Variants in TAFA5 observed in about 807,000 individuals in gnomAD.
TAFA5 encodes chemokine-like protein TAFA-5.
TAFA5 carries 6 observed loss-of-function variants against 15.3 expected under a neutral mutation model. The ratio of observed to expected loss-of-function variants is 0.39; its 90% CI spans 0.21 to 0.77. The LOEUF (loss-of-function observed/expected upper bound fraction) is 0.77, where lower values mean the gene tolerates loss of function less well. TAFA5 is among the 30% of genes least tolerant of loss of function. The pLI is 0.41. For missense variants in TAFA5, 161 were observed against 193.1 expected, an observed-to-expected ratio of 0.83 and a Z score of 0.98; for synonymous variants, 103 against 80.7, an observed-to-expected ratio of 1.28 and a Z score of -1.48.
At position 48,563,031 on chromosome 22, in the gene TAFA5, G is replaced by A. The variant is rs563961902; in HGVS notation, c.112+73327G>A. ...CACCAGAGCTGGGCTGGACCGAGCCGCCCGCTTGCTCCTGCACAGCCGCAA... is the reference window on the plus strand; with the variant it reads ...CACCAGAGCTGGGCTGGACCGAGCCACCCGCTTGCTCCTGCACAGCCGCAA... On this transcript the variant is annotated intron_variant, in intron 1 of 3. Transcript: ENST00000402357. Among the ~76,000 whole-genome samples, 12 of 152,308 alleles carry A rather than the reference G, an allele frequency of 7.9e-5. No homozygotes were observed. The East Asian group carries it at 1.9e-3, about 25-fold the overall frequency.
chr22:48,682,580 G>A (rs533899328), intron 2 of TAFA5, among the ~76,000 whole-genome samples: 49 of 152,304 alleles, frequency 3.2e-4, no homozygotes, highest in Non-Finnish European at 5.7e-4. Context: ...AGACCCTGAC[G>A]TCATTTGCAT....
intron 3 of TAFA5, among the ~76,000 whole-genome samples, chr22:48,717,003 A>G (rs981561556): frequency 6.6e-6 from 1 of 152,242 alleles, no homozygotes; most frequent in Non-Finnish European, 1.5e-5. Context: ...AGAAGAAATT[A>G]TCAAAGAAAT....
At chr22:48,714,502 C>T (rs1929345954) in intron 3 of TAFA5, among the ~76,000 whole-genome samples, 1 of 152,194 alleles carries the variant, frequency 6.6e-6, no homozygotes, top group African/African-American at 2.4e-5. Context: ...CAGCTCCCTG[C>T]AGAATCCAAA....
At chr22:48,727,870 A>G (rs1601701922) in intron 3 of TAFA5, among the ~76,000 whole-genome samples, 1 of 152,248 alleles carries the variant, frequency 6.6e-6, no homozygotes, top group Non-Finnish European at 1.5e-5. Context: ...TCAGACTGTA[A>G]TGAAAGTGTC....
At chr22:48,594,915 G>A (rs1924708978) in intron 1 of TAFA5, among the ~76,000 whole-genome samples, 1 of 151,568 alleles carries the variant, frequency 6.6e-6, no homozygotes, top group South Asian at 2.1e-4. Context: ...GTAGCCCTTG[G>A]GACTGCCCCA....
At chr22:48,660,145 C>T (rs922983466) in intron 2 of TAFA5, among the ~76,000 whole-genome samples, 3 of 152,146 alleles carry the variant, frequency 2.0e-5, no homozygotes, top group African/African-American at 7.2e-5. Context: ...CCCAAAAAAA[C>T]CCCAGGCTCC....
In TAFA5 at chr22:48,530,863, A is replaced by T. The variant is rs1206864213; in HGVS notation, c.112+41159A>T. On this transcript the variant is annotated intron_variant, in intron 1 of 3. Coordinates refer to ENST00000402357, the MANE Select transcript of TAFA5 (RefSeq NM_001082967.3). This position sits in a 1 kb window ranked among gnomAD's most constrained non-coding sequence, Gnocchi z 6.0. Reference sequence around the variant, plus strand: ...TGGGCTTCGACAAAGCAGGGGAGAAATGTCCCTCGGGTTCCAAATGAAAGT... The same window carrying T: ...TGGGCTTCGACAAAGCAGGGGAGAATTGTCCCTCGGGTTCCAAATGAAAGT... 6.6e-6 allele frequency among the ~76,000 whole-genome samples: 1 copy of T among 152,070 alleles called. No homozygotes were observed. Among genetic ancestry groups the T allele is most frequent in the Non-Finnish European group, 1.5e-5 (1 of 68,008 alleles).
chr22:48,610,165 G>A lies in TAFA5; in HGVS notation c.113-36432G>A, dbSNP rs28513609. ...GGCTCAGCAGGGTCTGACCAGAGGC[G>A]GGGCAGGGAGGCCTTCCCGTGGCCC... On this transcript the variant is annotated intron_variant, in intron 1 of 3. Transcript: ENST00000402357. Among the ~76,000 whole-genome samples the A allele has an allele frequency of 9.8e-3, 1,495 of 152,244 alleles. 20 individuals are homozygous for A. Among genetic ancestry groups the A allele is most frequent in the Middle Eastern group, 0.024 (7 of 294 alleles).
intron 1 of TAFA5, among the ~76,000 whole-genome samples, chr22:48,541,425 G>A (rs181538927): frequency 6.6e-5 from 10 of 152,258 alleles, no homozygotes; most frequent in South Asian, 4.1e-4. Flanking sequence ...TGGAGGGCCC[G>A]TAGGACCCAG....
intron 2 of TAFA5, among the ~76,000 whole-genome samples, chr22:48,666,397 G>A (rs1431326711): frequency 6.7e-5 from 8 of 120,050 alleles, no homozygotes; most frequent in African/African-American, 9.6e-5. Flanking sequence ...AAAGAGAGCA[G>A]GAAGCAGAGG....
Position 48,742,540 on chromosome 22 carries a change from C to T in TAFA5, c.391-7299C>T, listed in dbSNP as rs57407897. On this transcript the variant is annotated intron_variant, in intron 3 of 3. Transcript: ENST00000402357. The surrounding 1 kb of genome is among the most constrained non-coding windows in gnomAD (Gnocchi z 6.2). ...GGCAGACCAGGCGACGTGGTGGACC[C>T]GGCCGCATGGTGGACCAGGCAACGT... is the stretch of plus-strand genomic sequence containing the variant. Among the ~76,000 whole-genome samples the T allele has an allele frequency of 0.016, 2,372 of 149,724 alleles. 71 individuals carry two copies. Among genetic ancestry groups the T allele is most frequent in the African/African-American group, 0.055 (2,253 of 40,622 alleles).
chr22:48,522,614 A>C (rs1377786118), intron 1 of TAFA5, among the ~76,000 whole-genome samples: 1 of 152,152 alleles, frequency 6.6e-6, no homozygotes, highest in East Asian at 1.9e-4. Context: ...CTCCCCAGGC[A>C]CAGGGCCTGA....
At chr22:48,600,545 C>T (rs779873551) in intron 1 of TAFA5, among the ~76,000 whole-genome samples, 3 of 134,290 alleles carry the variant, frequency 2.2e-5, no homozygotes, top group African/African-American at 5.8e-5. Flanking sequence ...TAGGACTTTG[C>T]GTGTGTCTGT....
intron 1 of TAFA5, among the ~76,000 whole-genome samples, chr22:48,615,175 T>C (rs1601617041): frequency 6.6e-6 from 1 of 152,108 alleles, no homozygotes; most frequent in Non-Finnish European, 1.5e-5. Flanking sequence ...CAGGTATGTG[T>C]CTCTCCAGGT....
At chr22:48,738,346 A>AATC (rs1930089302) in intron 3 of TAFA5, among the ~76,000 whole-genome samples, 1 of 152,198 alleles carries the variant, frequency 6.6e-6, no homozygotes, top group South Asian at 2.1e-4. Context: ...CCAAACCCAC[A>AATC]TGGGGGCCCC....
chr22:48,678,216 T>C (rs1370535545), intron 2 of TAFA5, among the ~76,000 whole-genome samples: 1 of 152,192 alleles, frequency 6.6e-6, no homozygotes, highest in Admixed American at 6.5e-5. Context: ...TTCTCTTTCC[T>C]GTTCCCTTAA....
chr22:48,749,825 T>C lies in TAFA5; in HGVS notation c.391-14T>C. On this transcript the variant is annotated splice_polypyrimidine_tract_variant and intron_variant, in intron 3 of 3. Transcript: ENST00000402357. ...CTGCAGGAGGCTCACCCTCTCTCTC[T>C]CTTTGCTCCTCAGGTCTCCTGACAA... 1 of 1,561,134 alleles carries C rather than the reference T, an allele frequency of 6.4e-7. No homozygotes were observed. Among genetic ancestry groups the C allele is most frequent in the Non-Finnish European group, 8.7e-7 (1 of 1,151,950 alleles).
intron 2 of TAFA5, among the ~76,000 whole-genome samples, chr22:48,694,087 G>A (rs368909836): frequency 2.0e-5 from 3 of 152,276 alleles, no homozygotes; most frequent in Admixed American, 1.3e-4. Context: ...CAGCATCACC[G>A]CTTGTAAGCC....
chr22:48,527,987 C>T (rs133483), intron 1 of TAFA5, among the ~76,000 whole-genome samples: 35,890 of 152,264 alleles, frequency 0.24, 4,687 homozygotes, highest in Middle Eastern at 0.3. Flanking sequence ...TCTCTGGAAT[C>T]GGGAATGTCA....
Sources: allele counts gnomAD v4.1 joint callset (sites outside exome capture counted in the v4.1 genomes callset), GRCh38; gene constraint gnomAD v4.1.1; non-coding constraint Gnocchi (gnomAD v3.1); transcripts MANE v1.5; gene names NCBI Gene and HGNC (gene_info 2026-07-23, HGNC 2026-07-21).